BRINP3: variants seen among roughly 807,000 people sequenced by gnomAD.
BRINP3 encodes the protein BMP/retinoic acid inducible neural specific 3.
In BRINP3, 19 loss-of-function variants were observed where a neutral mutation model predicts 71.0. The ratio of observed to expected loss-of-function variants is 0.27; its 90% CI spans 0.19 to 0.39. The LOEUF is 0.39. Among genes scored for constraint, BRINP3 ranks in the 10% least tolerant of loss-of-function variants. The pLI, the probability that BRINP3 is intolerant of heterozygous loss-of-function variation, is 1.00. For synonymous variants in BRINP3, 380 were observed against 337.7 expected (o/e 1.13, Z -1.37); for missense variants, 959 against 940.8 (o/e 1.02, Z -0.25).
At chr1:190,365,628 T>C (rs2102152552) in intron 2 of BRINP3, among the ~76,000 whole-genome samples, 1 of 146,068 alleles carries the variant, frequency 6.8e-6, no homozygotes, top group East Asian at 2.0e-4. Flanking sequence ...TAATATATTT[T>C]ATAATTGTAA....
At chr1:190,459,766 A>G (rs1676258928) in intron 1 of BRINP3, among the ~76,000 whole-genome samples, 1 of 152,090 alleles carries the variant, frequency 6.6e-6, no homozygotes, top group Non-Finnish European at 1.5e-5. Flanking sequence ...GAACTTGAAT[A>G]TGCAAAGTCA....
intron 6 of BRINP3, among the ~76,000 whole-genome samples, chr1:190,210,263 G>C (rs1446672921): frequency 6.6e-6 from 1 of 152,020 alleles, no homozygotes; most frequent in Non-Finnish European, 1.5e-5. Context: ...ACTGACAATA[G>C]AGTATCAAGT....
intron 2 of BRINP3, among the ~76,000 whole-genome samples, chr1:190,404,892 A>G (rs1483081511): frequency 1.3e-5 from 2 of 152,160 alleles, no homozygotes; most frequent in South Asian, 2.1e-4. Flanking sequence ...CAGTTTGTCA[A>G]CTGGCTTTAA....
chr1:190,166,128 C>G (rs1246769455), intron 6 of BRINP3, among the ~76,000 whole-genome samples: 1 of 152,054 alleles, frequency 6.6e-6, no homozygotes, highest in Non-Finnish European at 1.5e-5. Context: ...TTCTATAAGC[C>G]ATGGGTATAG....
chr1:190,192,598 C>T (rs1365704179), intron 6 of BRINP3, among the ~76,000 whole-genome samples: 1 of 151,448 alleles, frequency 6.6e-6, no homozygotes, highest in Non-Finnish European at 1.5e-5. Context: ...AAAATGAAAA[C>T]TTTCAGTAAA....
intron 2 of BRINP3, among the ~76,000 whole-genome samples, chr1:190,391,800 C>T (rs1671267430): frequency 6.6e-6 from 1 of 151,718 alleles, no homozygotes; most frequent in Non-Finnish European, 1.5e-5. Context: ...AGTGTCAGTG[C>T]TAGAGACCAA....
Position 190,371,315 on chromosome 1 carries a change from G to C in BRINP3, c.236+83340C>G, listed in dbSNP as rs528457819. 2.6e-5 allele frequency among the ~76,000 whole-genome samples: 4 copies of C among 152,268 alleles called. No individual in the cohort carries two copies. In the East Asian group the frequency reaches 7.7e-4, roughly 29 times the overall value. On this transcript the variant is annotated intron_variant, in intron 2 of 7. Transcript: ENST00000367462. ...GTAGTTTTAAAATTTCAATTGTTAT[G>C]TACAAGTTTTTAATCCATTTTGAGT... is the stretch of plus-strand genomic sequence containing the variant.
At chr1:190,376,738 C>T (rs146386901) in intron 2 of BRINP3, among the ~76,000 whole-genome samples, 2 of 152,100 alleles carry the variant, frequency 1.3e-5, no homozygotes, top group South Asian at 2.1e-4. Flanking sequence ...TTTCGTTGAA[C>T]CTTTGACATA....
intron 3 of BRINP3, among the ~76,000 whole-genome samples, chr1:190,280,576 G>C (rs1558141206): frequency 6.6e-6 from 1 of 151,772 alleles, no homozygotes; most frequent in African/African-American, 2.4e-5. Flanking sequence ...TGAAAGACTG[G>C]GCTGGCAGGT....
intron 2 of BRINP3, among the ~76,000 whole-genome samples, chr1:190,423,023 G>C (rs1028385562): frequency 2.6e-5 from 4 of 151,864 alleles, no homozygotes; most frequent in African/African-American, 9.6e-5. Flanking sequence ...TAGGCAGGCA[G>C]TAAGCTTCCA....
chr1:190,448,439 T>A (rs950734940), intron 2 of BRINP3, among the ~76,000 whole-genome samples: 1 of 149,456 alleles, frequency 6.7e-6, no homozygotes, highest in East Asian at 1.9e-4. Flanking sequence ...TAATCTTTTT[T>A]CTTAACACCC....
At chr1:190,450,805 A>T (rs1054738897) in intron 2 of BRINP3, among the ~76,000 whole-genome samples, 3 of 151,810 alleles carry the variant, frequency 2.0e-5, no homozygotes, top group Non-Finnish European at 4.4e-5. Context: ...TGCTTTTCTC[A>T]TATGGATACC....
intron 7 of BRINP3, among the ~76,000 whole-genome samples, chr1:190,108,844 C>T (rs1652422556): frequency 1.3e-5 from 2 of 151,606 alleles, no homozygotes; most frequent in Admixed American, 1.3e-4. Context: ...AGCAATCACG[C>T]AAATCAAATA....
chr1:190,177,350 T>TG (rs1336060855), intron 6 of BRINP3, among the ~76,000 whole-genome samples: 9 of 128,610 alleles, frequency 7.0e-5, no homozygotes, highest in African/African-American at 3.0e-4. Flanking sequence ...TTTTTTTTTT[T>TG]TGTATTTTTA....
At chr1:190,159,741 A>C (rs1005475013) in intron 7 of BRINP3, among the ~76,000 whole-genome samples, 9 of 152,002 alleles carry the variant, frequency 5.9e-5, no homozygotes, top group African/African-American at 2.2e-4. Flanking sequence ...TTTTTGAGGC[A>C]ATGAAAATGA....
intron 6 of BRINP3, among the ~76,000 whole-genome samples, chr1:190,210,632 A>G (rs1434244981): frequency 6.6e-6 from 1 of 152,128 alleles, no homozygotes; most frequent in Non-Finnish European, 1.5e-5. Context: ...CCTGAATGAC[A>G]AAGAATAATA....
intron 2 of BRINP3, among the ~76,000 whole-genome samples, chr1:190,314,654 C>T (rs1440467883): frequency 6.6e-6 from 1 of 152,146 alleles, no homozygotes; most frequent in Non-Finnish European, 1.5e-5. Flanking sequence ...TCAGCACTGA[C>T]ATATTGATTT....
intron 2 of BRINP3, 43 bp from the exon 3 acceptor site, chr1:190,281,793 C>A (rs1663061506): frequency 5.1e-6 from 8 of 1,558,966 alleles, no homozygotes; most frequent in Non-Finnish European, 6.1e-6. Context: ...CATAATCTAT[C>A]TGAATGTTTT....
intron 7 of BRINP3, among the ~76,000 whole-genome samples, chr1:190,143,740 A>C (rs1170517119): frequency 6.6e-6 from 1 of 152,168 alleles, no homozygotes; most frequent in Non-Finnish European, 1.5e-5. Flanking sequence ...GCTGAATGTC[A>C]GTACTGAGGT....
Sources: allele counts gnomAD v4.1 joint callset (sites outside exome capture counted in the v4.1 genomes callset), GRCh38; gene constraint gnomAD v4.1.1; transcripts MANE v1.5; gene names NCBI Gene and HGNC (gene_info 2026-07-23, HGNC 2026-07-21).